Variants in PARD3B observed in about 807,000 individuals in gnomAD.
PARD3B encodes partitioning defective 3 homolog B.
In PARD3B, 103 loss-of-function variants were observed where a neutral mutation model predicts 130.2. The observed-to-expected ratio is 0.79, with a 90% confidence interval of 0.67 to 0.93. The LOEUF (loss-of-function observed/expected upper bound fraction) is 0.93. PARD3B is among the 40% of genes least tolerant of loss of function. The pLI, the probability that PARD3B is intolerant of heterozygous loss-of-function variation, is 0.00. For missense variants in PARD3B, 1,609 were observed against 1,499.2 expected (o/e 1.07, Z -1.21); for synonymous variants, 583 against 553.2 (o/e 1.05, Z -0.76).
chr2:204,934,754 G>T (rs538431103), intron 2 of PARD3B, among the ~76,000 whole-genome samples: 10 of 152,126 alleles, frequency 6.6e-5, no homozygotes, highest in Non-Finnish European at 1.3e-4. Context: ...CTGAAAAAAG[G>T]CAGGGTTTAG....
intron 4 of PARD3B, among the ~76,000 whole-genome samples, chr2:205,092,097 G>A (rs1702147104): frequency 6.6e-6 from 1 of 152,156 alleles, no homozygotes; most frequent in African/African-American, 2.4e-5. Context: ...GGTACTGAGT[G>A]AGGTCAAGGT....
intron 20 of PARD3B, among the ~76,000 whole-genome samples, chr2:205,479,035 G>A (rs1575121181): frequency 6.6e-6 from 1 of 152,164 alleles, no homozygotes; most frequent in African/African-American, 2.4e-5. Flanking sequence ...TCAAAAACTT[G>A]TAGACGTTTC....
intron 11 of PARD3B, among the ~76,000 whole-genome samples, chr2:205,163,941 C>G (rs2034653807): frequency 6.6e-6 from 1 of 152,176 alleles, no homozygotes; most frequent in Non-Finnish European, 1.5e-5. Context: ...TCAGTGACTT[C>G]TAAGCTGTTA....
Position 205,572,228 on chromosome 2 carries a change from T to A in PARD3B, c.3260+18825T>A, listed in dbSNP as rs2053583988. 6.6e-6 allele frequency among the ~76,000 whole-genome samples: 1 copy of A among 151,804 alleles called. No individual in the cohort carries two copies. Among genetic ancestry groups the A allele is most frequent in the Admixed American group, 6.5e-5 (1 of 15,270 alleles). The stretch of plus-strand genomic sequence containing the variant: ...GTACCTTGGGAAGAGAGTAGAAGAA[T>A]GACAAATTATAGATTATTTCAGTCA... On this transcript the variant is annotated intron_variant, in intron 22 of 22. Coordinates refer to ENST00000406610, the MANE Select transcript of PARD3B (RefSeq NM_001302769.2). The surrounding 1 kb of genome is among the most constrained non-coding windows in gnomAD (Gnocchi z 4.2).
intron 3 of PARD3B, among the ~76,000 whole-genome samples, chr2:205,044,616 G>T (rs1438037668): frequency 6.6e-6 from 1 of 152,152 alleles, no homozygotes; most frequent in Non-Finnish European, 1.5e-5. Context: ...TTTGAGAAGT[G>T]TCTGTTCATG....
At chr2:205,582,171 G>A (rs1160315335) in intron 22 of PARD3B, among the ~76,000 whole-genome samples, 1 of 152,200 alleles carries the variant, frequency 6.6e-6, no homozygotes. Context: ...GCTCATGTAA[G>A]TGAAGTACCG....
In PARD3B at chr2:205,459,255, T is replaced by C. The variant is rs149331141; in HGVS notation, c.3044+18583T>C. On this transcript the variant is annotated intron_variant, in intron 20 of 22. Transcript: ENST00000406610. ...GAATCAGTCTTGGCCTCCCAAGTCC[T>C]AGCTGTCTTGGGAGTTCTCCAATGC... is the stretch of plus-strand genomic sequence containing the variant. Among the ~76,000 whole-genome samples the C allele has an allele frequency of 2.6e-3, 389 of 152,340 alleles. 1 individual carries two copies. Among genetic ancestry groups the C allele is most frequent in the African/African-American group, 8.7e-3 (360 of 41,586 alleles).
rs568268256 is a variant in PARD3B, at chr2:205,183,280, G to T, written c.1925-2484G>T. 6.6e-6 allele frequency among the ~76,000 whole-genome samples: 1 copy of T among 152,278 alleles called. No individual in the cohort carries two copies. Among genetic ancestry groups the T allele is most frequent in the East Asian group, 1.9e-4 (1 of 5,186 alleles). ...AGGATCATAGACCTTTATTCCGTAG[G>T]CAATGTGTGCAGCTGAAGTGATTTT... On this transcript the variant is annotated intron_variant, in intron 13 of 22. Coordinates refer to ENST00000406610, the MANE Select transcript of PARD3B (RefSeq NM_001302769.2). The surrounding 1 kb of genome is among the most constrained non-coding windows in gnomAD (Gnocchi z 5.2).
chr2:204,733,401 G>C (rs1403613938), intron 2 of PARD3B, among the ~76,000 whole-genome samples: 1 of 149,784 alleles, frequency 6.7e-6, no homozygotes, highest in Non-Finnish European at 1.5e-5. Flanking sequence ...TTATGAGTCA[G>C]TTTTTATGTC....
chr2:205,401,961 T>C (rs1053494825), intron 19 of PARD3B, among the ~76,000 whole-genome samples: 2 of 152,220 alleles, frequency 1.3e-5, no homozygotes, highest in Admixed American at 1.3e-4. Flanking sequence ...TTAGTTACAT[T>C]AGTTCTTATA....
intron 22 of PARD3B, among the ~76,000 whole-genome samples, chr2:205,581,436 A>AAATAT (rs1559238763): frequency 6.2e-5 from 9 of 144,354 alleles, no homozygotes; most frequent in African/African-American, 2.3e-4. Context: ...AATATATATA[A>AAATAT]ATATATATAA....
chr2:204,863,787 A>G (rs2045306740), intron 2 of PARD3B, among the ~76,000 whole-genome samples: 1 of 152,240 alleles, frequency 6.6e-6, no homozygotes, highest in Admixed American at 6.5e-5. Flanking sequence ...AGTGTATGAC[A>G]AAAGACAGAG....
intron 18 of PARD3B, among the ~76,000 whole-genome samples, chr2:205,395,641 T>C (rs1186920727): frequency 1.3e-5 from 2 of 152,214 alleles, no homozygotes; most frequent in Admixed American, 6.5e-5. Flanking sequence ...TGACTCACCA[T>C]TTCCAAATGA....
chr2:204,988,895 C>T (rs1693404728), intron 3 of PARD3B, among the ~76,000 whole-genome samples: 1 of 152,166 alleles, frequency 6.6e-6, no homozygotes, highest in Non-Finnish European at 1.5e-5. Context: ...ATCTATTTAA[C>T]AATGAAAAGA....
At position 205,241,733 on chromosome 2, in the gene PARD3B, G is replaced by T. The variant is rs546841255; in HGVS notation, c.2141-4045G>T. On this transcript the variant is annotated intron_variant, in intron 15 of 22. Coordinates refer to ENST00000406610, the MANE Select transcript of PARD3B (RefSeq NM_001302769.2). The surrounding 1 kb of genome is among the most constrained non-coding windows in gnomAD (Gnocchi z 4.2). The stretch of plus-strand genomic sequence containing the variant: ...GGAATCAAAGACCTTTCCCACACCA[G>T]GCCCATTTATTTTTCAATCTCTTGT... Among the ~76,000 whole-genome samples, 101 of 152,080 alleles carry T rather than the reference G, an allele frequency of 6.6e-4. No individual in the cohort carries two copies. The highest frequency in any genetic ancestry group is 2.3e-3 in the African/African-American group (95 of 41,510).
chr2:204,988,011 A>AAGAG (rs1226602335), intron 3 of PARD3B, among the ~76,000 whole-genome samples: 4 of 151,236 alleles, frequency 2.6e-5, no homozygotes, highest in Non-Finnish European at 5.9e-5. Flanking sequence ...AATATGGCAA[A>AAGAG]AGAGAGAGAG....
intron 1 of PARD3B, among the ~76,000 whole-genome samples, chr2:204,655,851 T>C (rs577414853): frequency 1.3e-5 from 2 of 152,276 alleles, no homozygotes; most frequent in African/African-American, 2.4e-5. Context: ...TGACTGTGTT[T>C]ACTCATTTGT....
At chr2:205,374,247 A>T (rs989074123) in intron 18 of PARD3B, among the ~76,000 whole-genome samples, 31 of 150,592 alleles carry the variant, frequency 2.1e-4, no homozygotes, top group South Asian at 4.2e-4. Flanking sequence ...TATTATTATT[A>T]TTTTTTTGAG....
At chr2:205,236,295 C>T (rs555162388) in intron 15 of PARD3B, among the ~76,000 whole-genome samples, 1 of 152,268 alleles carries the variant, frequency 6.6e-6, no homozygotes, top group East Asian at 1.9e-4. Flanking sequence ...TACAGACATT[C>T]TTCCAGATAA....
Sources: gnomAD v4.1 joint callset for allele counts (sites outside exome capture counted in the v4.1 genomes callset) on GRCh38, gnomAD v4.1.1 for gene constraint, Gnocchi (gnomAD v3.1) non-coding constraint, MANE v1.5 for transcripts, NCBI Gene and HGNC (gene_info 2026-07-23, HGNC 2026-07-21) for gene names.